TMPRSS15: variants seen among roughly 807,000 people sequenced by gnomAD.
TMPRSS15 encodes transmembrane serine protease 15, also known as enteropeptidase.
Under a neutral mutation model 125.3 loss-of-function variants are expected in TMPRSS15, and 128 were observed. The observed-to-expected ratio is 1.02, with a 90% CI of 0.89 to 1.18. The LOEUF (loss-of-function observed/expected upper bound fraction) is 1.18, where lower values mean the gene tolerates loss of function less well. Among genes scored for constraint, TMPRSS15 ranks in the 50% most tolerant of loss-of-function variants. The pLI, the probability that TMPRSS15 is intolerant of heterozygous loss-of-function variation, is 0.00. For missense variants in TMPRSS15, 1,283 were observed against 1,212.7 expected, an observed-to-expected ratio of 1.06 and a Z score of -0.86; for synonymous variants, 446 against 423.2, an observed-to-expected ratio of 1.05 and a Z score of -0.66.
At chr21:18,310,933 CTTTTTTT>C (rs71329779) in intron 18 of TMPRSS15, among the ~76,000 whole-genome samples, 3 of 136,872 alleles carry the variant, frequency 2.2e-5, no homozygotes, top group Admixed American at 1.4e-4. Flanking sequence ...CCCACTGATT[CTTTTTTT>C]TTTTTTTTTT....
At chr21:18,367,202 A>G (rs2075746804) in intron 6 of TMPRSS15, among the ~76,000 whole-genome samples, 1 of 152,194 alleles carries the variant, frequency 6.6e-6, no homozygotes, top group Non-Finnish European at 1.5e-5. Flanking sequence ...CAAGTCAAGA[A>G]GCAAGGATTA....
chr21:18,365,552 TTC>T (rs796561745), intron 6 of TMPRSS15, among the ~76,000 whole-genome samples: 5 of 128,468 alleles, frequency 3.9e-5, no homozygotes, highest in South Asian at 5.6e-4. Flanking sequence ...TTCCTTCCTT[TTC>T]TCTCTTTCTT....
At chr21:18,328,583 C>T (rs2075315197) in intron 15 of TMPRSS15, among the ~76,000 whole-genome samples, 2 of 151,962 alleles carry the variant, frequency 1.3e-5, no homozygotes, top group South Asian at 2.1e-4. Flanking sequence ...AATAGTTAAA[C>T]TCATGGAGAT....
chr21:18,474,038 A>G (rs1655842377), intron 1 of TMPRSS15, among the ~76,000 whole-genome samples: 1 of 152,120 alleles, frequency 6.6e-6, no homozygotes, highest in African/African-American at 2.4e-5. Context: ...GCTAGTGATC[A>G]TTAAGTTATT....
chr21:18,328,691 T>C (rs2063999936), intron 15 of TMPRSS15, among the ~76,000 whole-genome samples: 1 of 152,050 alleles, frequency 6.6e-6, no homozygotes, highest in African/African-American at 2.4e-5. Context: ...TTAGAATGAA[T>C]AAGATCTAGT....
chr21:18,462,994 G>T (rs2123276282), intron 1 of TMPRSS15, among the ~76,000 whole-genome samples: 1 of 152,072 alleles, frequency 6.6e-6, no homozygotes, highest in East Asian at 1.9e-4. Context: ...ATCCTTTACA[G>T]ACAAGCAAAT....
chr21:18,313,893 CAA>C (rs5842679), intron 17 of TMPRSS15, among the ~76,000 whole-genome samples: 6,145 of 129,748 alleles, frequency 0.047, 191 homozygotes, highest in African/African-American at 0.099. Flanking sequence ...CCCTCCCCAC[CAA>C]AAAAAAAAAA....
At chr21:18,276,542 C>A (rs2074622967) in intron 23 of TMPRSS15, among the ~76,000 whole-genome samples, 1 of 152,076 alleles carries the variant, frequency 6.6e-6, no homozygotes, top group Non-Finnish European at 1.5e-5. Context: ...ACAATAAAAA[C>A]CAAGGCCACT....
chr21:18,373,041 C>T (rs912679934), intron 5 of TMPRSS15, among the ~76,000 whole-genome samples: 1 of 152,148 alleles, frequency 6.6e-6, no homozygotes, highest in Non-Finnish European at 1.5e-5. Flanking sequence ...ACTTCTGCCT[C>T]TGAATATAAC....
At chr21:18,369,015 T>C (rs2075766018) in intron 6 of TMPRSS15, among the ~76,000 whole-genome samples, 1 of 152,042 alleles carries the variant, frequency 6.6e-6, no homozygotes, top group Non-Finnish European at 1.5e-5. Context: ...TATGACCCAG[T>C]TGTGGATGAG....
chr21:18,319,497 C>T lies in TMPRSS15; in HGVS notation c.1922-4241G>A, dbSNP rs180722982. On this transcript the variant is annotated intron_variant, in intron 16 of 24. Transcript: ENST00000284885. ...AGGCTGGAGTACAATGGCGCCATCT[C>T]GGCTCACTGAAACCTCCGCCTCCCG... Among the ~76,000 whole-genome samples, 491 of 144,534 alleles carry T rather than the reference C, an allele frequency of 3.4e-3. 4 individuals are homozygous for T. The highest frequency in any genetic ancestry group is 0.012 in the African/African-American group (468 of 39,202). 94.8% of individuals were successfully genotyped at this position (144,534 alleles called of 152,430 possible).
At chr21:18,338,377 T>C (rs1440549896) in intron 13 of TMPRSS15, among the ~76,000 whole-genome samples, 2 of 152,110 alleles carry the variant, frequency 1.3e-5, no homozygotes, top group African/African-American at 4.8e-5. Flanking sequence ...GATTGAAATA[T>C]CAAAATAGCA....
At chr21:18,443,130 C>T (rs1189915149) in intron 1 of TMPRSS15, among the ~76,000 whole-genome samples, 2 of 151,836 alleles carry the variant, frequency 1.3e-5, no homozygotes, top group African/African-American at 4.8e-5. Flanking sequence ...TTAAATAGTG[C>T]AGAGAAACAA....
chr21:18,458,588 G>T (rs1978487032), intron 1 of TMPRSS15, among the ~76,000 whole-genome samples: 1 of 152,118 alleles, frequency 6.6e-6, no homozygotes, highest in Admixed American at 6.6e-5. Flanking sequence ...TCTGACACGG[G>T]GTAGCTGCTA....
chr21:18,435,580 G>T (rs1448010275), intron 1 of TMPRSS15, among the ~76,000 whole-genome samples: 4 of 152,132 alleles, frequency 2.6e-5, no homozygotes. Flanking sequence ...AAGGATATTG[G>T]TCTAAAATTC....
chr21:18,380,684 C>T, intron 4 of TMPRSS15: 1 of 412,828 alleles, frequency 2.4e-6, no homozygotes, highest in East Asian at 7.5e-5. Context: ...GGCATCTGAT[C>T]CTTTGGAGTT....
At chr21:18,270,453 T>TTA (rs1197951543) in intron 24 of TMPRSS15, among the ~76,000 whole-genome samples, 1 of 152,138 alleles carries the variant, frequency 6.6e-6, no homozygotes, top group African/African-American at 2.4e-5. Flanking sequence ...AACAAAATAT[T>TTA]TATTAACAGC....
chr21:18,341,440 C>T lies in TMPRSS15; in HGVS notation c.1537G>A (p.Val513Met), dbSNP rs2075444491. 1 of 1,613,982 alleles carries T rather than the reference C, an allele frequency of 6.2e-7. No homozygotes were observed. Among genetic ancestry groups the T allele is most frequent in the South Asian group, 1.1e-5 (1 of 91,076 alleles). The stretch of plus-strand genomic sequence containing the variant: ...GGAAGTTCTGGTGGAGGAGTTGGCA[C>T]CAAAGTTGGTTCTGGATAAAGACTC... ...NGSLYPEPTL[V>M]PTPPPELPTD... The change falls in exon 13 of 25, where the codon GTG becomes ATG. Residue 513 changes from valine to methionine, a missense_variant. Transcript: ENST00000284885.
At chr21:18,474,612 T>C (rs911720646) in intron 1 of TMPRSS15, among the ~76,000 whole-genome samples, 5 of 152,036 alleles carry the variant, frequency 3.3e-5, no homozygotes, top group Non-Finnish European at 1.5e-5. Context: ...TGTTTATATA[T>C]GAATAAAGTG....
Sources: gnomAD v4.1 joint callset for allele counts (sites outside exome capture counted in the v4.1 genomes callset) on GRCh38, gnomAD v4.1.1 for gene constraint, MANE v1.5 for transcripts, NCBI Gene and HGNC (gene_info 2026-07-23, HGNC 2026-07-21) for gene names.